PDGFD: variants seen among roughly 807,000 people sequenced by gnomAD.
The protein encoded by PDGFD is platelet derived growth factor D.
A neutral mutation model predicts 44.7 loss-of-function variants in PDGFD; 30 were observed. That is an observed-to-expected ratio of 0.67 (90% CI 0.50 to 0.91). The LOEUF (loss-of-function observed/expected upper bound fraction) is 0.91, where lower values mean the gene tolerates loss of function less well. Ranked by LOEUF, PDGFD falls within the 40% of genes least tolerant of loss-of-function variation. The pLI is 0.00. For missense variants in PDGFD, 445 were observed against 457.8 expected (o/e 0.97, Z 0.25); for synonymous variants, 173 against 168.4 (o/e 1.03, Z -0.21).
At chr11:103,910,560 C>A (rs1435305900) in intron 6 of PDGFD, among the ~76,000 whole-genome samples, 1 of 152,226 alleles carries the variant, frequency 6.6e-6, no homozygotes, top group Non-Finnish European at 1.5e-5. Flanking sequence ...GAATGGTGCA[C>A]TCTAGTCCAG....
intron 3 of PDGFD, among the ~76,000 whole-genome samples, chr11:103,970,895 C>A (rs1234359308): frequency 6.6e-6 from 1 of 152,064 alleles, no homozygotes; most frequent in Non-Finnish European, 1.5e-5. Flanking sequence ...AGAATGGCCT[C>A]ACAATGGAAG....
intron 1 of PDGFD, among the ~76,000 whole-genome samples, chr11:104,116,578 CA>C (rs1216002082): frequency 6.6e-6 from 1 of 151,752 alleles, no homozygotes. Flanking sequence ...AAGGACATAA[CA>C]AAAAAAGAAA....
chr11:104,062,993 C>G (rs1591145335), intron 1 of PDGFD, among the ~76,000 whole-genome samples: 1 of 152,162 alleles, frequency 6.6e-6, no homozygotes, highest in Non-Finnish European at 1.5e-5. Flanking sequence ...TGAACCTCCA[C>G]AGTTTTGAGT....
At chr11:104,020,403 G>A (rs2134381665) in intron 1 of PDGFD, among the ~76,000 whole-genome samples, 1 of 152,056 alleles carries the variant, frequency 6.6e-6, no homozygotes, top group South Asian at 2.1e-4. Flanking sequence ...TTTATTGATA[G>A]GTTCTAAATG....
intron 1 of PDGFD, among the ~76,000 whole-genome samples, chr11:104,073,890 T>G (rs1189511662): frequency 6.6e-6 from 1 of 152,222 alleles, no homozygotes; most frequent in Non-Finnish European, 1.5e-5. Flanking sequence ...AATTGACATA[T>G]TCACAAGGTA....
At chr11:104,069,002 T>A (rs967583056) in intron 1 of PDGFD, among the ~76,000 whole-genome samples, 4 of 152,176 alleles carry the variant, frequency 2.6e-5, no homozygotes, top group Admixed American at 2.6e-4. Context: ...TAAAATACTG[T>A]TACCTAATCT....
chr11:104,079,577 T>C (rs750706699), intron 1 of PDGFD, among the ~76,000 whole-genome samples: 5 of 151,950 alleles, frequency 3.3e-5, no homozygotes, highest in Non-Finnish European at 7.4e-5. Context: ...TTAGTAGAGA[T>C]GGGGTTTCAC....
At chr11:103,914,019 CA>C (rs35478021) in intron 6 of PDGFD, among the ~76,000 whole-genome samples, 69,357 of 151,634 alleles carry the variant, frequency 0.46, 15,951 homozygotes, top group South Asian at 0.49. Flanking sequence ...AAGTAGGGGT[CA>C]GGGGGCAACT....
intron 3 of PDGFD, among the ~76,000 whole-genome samples, chr11:103,953,579 T>C (rs2134330322): frequency 6.6e-6 from 1 of 152,348 alleles, no homozygotes; most frequent in African/African-American, 2.4e-5. Context: ...GGACTGGATG[T>C]GTGTACACAT....
chr11:103,943,742 G>T, intron 4 of PDGFD, 92 bp from the exon 5 acceptor site: 1 of 1,059,766 alleles, frequency 9.4e-7, no homozygotes, highest in Middle Eastern at 2.4e-4. Flanking sequence ...ACATAAACAG[G>T]CTTCTGAGTA....
chr11:104,043,469 T>C (rs1431204795), intron 1 of PDGFD, among the ~76,000 whole-genome samples: 1 of 152,194 alleles, frequency 6.6e-6, no homozygotes, highest in African/African-American at 2.4e-5. Context: ...AAGCTTGTGG[T>C]CTGTTTCTGC....
At chr11:103,919,666 G>C (rs1404898929) in intron 6 of PDGFD, among the ~76,000 whole-genome samples, 1 of 151,788 alleles carries the variant, frequency 6.6e-6, no homozygotes, top group Non-Finnish European at 1.5e-5. Context: ...GTGCCACCAC[G>C]CCTGGCTAAT....
intron 3 of PDGFD, among the ~76,000 whole-genome samples, chr11:103,962,870 C>A (rs1014711149): frequency 6.6e-6 from 1 of 152,080 alleles, no homozygotes; most frequent in African/African-American, 2.4e-5. Flanking sequence ...AAAATGAGTA[C>A]AATCTTTCTA....
Position 104,140,949 on chromosome 11 carries a change from C to T in PDGFD, c.124+22855G>A, listed in dbSNP as rs141588805. On this transcript the variant is annotated intron_variant, in intron 1 of 6. Coordinates refer to ENST00000393158, the MANE Select transcript of PDGFD (RefSeq NM_025208.5). ...TACCTTGGCTATGTTAATAGATTTG[C>T]TATCTGATTTTCACTGGTTCTCCAA... Among the ~76,000 whole-genome samples the T allele has an allele frequency of 1.5e-3, 232 of 152,282 alleles. 4 individuals are homozygous for T. The East Asian group carries it at 0.037, about 24-fold the overall frequency.
At chr11:104,008,435 TAAGAATA>T (rs1859736038) in intron 1 of PDGFD, among the ~76,000 whole-genome samples, 1 of 152,146 alleles carries the variant, frequency 6.6e-6, no homozygotes, top group Non-Finnish European at 1.5e-5. Context: ...TCATCTGAAA[TAAGAATA>T]CAAGTTGTTC....
intron 1 of PDGFD, among the ~76,000 whole-genome samples, chr11:104,054,993 A>G (rs371666581): frequency 6.6e-6 from 1 of 152,246 alleles, no homozygotes; most frequent in Admixed American, 6.5e-5. Context: ...ACATTATGCA[A>G]GTAGCATCTG....
At position 104,163,931 on chromosome 11, in the gene PDGFD, G is replaced by A; in HGVS notation, c.-4C>T. On this transcript the variant is annotated 5_prime_UTR_variant, in exon 1 of 7. Transcript: ENST00000393158. ...AGACAAAGATGAGCCGGTGCATTTG[G>A]GATCAGCGACTAGAGACAGCGTCGC... 2 of 1,539,294 alleles carry A rather than the reference G, an allele frequency of 1.3e-6. No homozygotes were observed. Among genetic ancestry groups the A allele is most frequent in the Non-Finnish European group, 1.8e-6 (2 of 1,128,946 alleles).
chr11:104,129,538 T>A (rs951637625), intron 1 of PDGFD, among the ~76,000 whole-genome samples: 4 of 152,180 alleles, frequency 2.6e-5, no homozygotes, highest in African/African-American at 9.6e-5. Flanking sequence ...ACCACCTTGC[T>A]ATAATGGTTG....
chr11:103,989,909 C>A (rs956021492), intron 3 of PDGFD, among the ~76,000 whole-genome samples: 1 of 151,718 alleles, frequency 6.6e-6, no homozygotes, highest in Admixed American at 6.6e-5. Flanking sequence ...TAGGACAGTT[C>A]TGATGATGAT....
Sources: allele counts gnomAD v4.1 joint callset (sites outside exome capture counted in the v4.1 genomes callset), GRCh38; gene constraint gnomAD v4.1.1; transcripts MANE v1.5; gene names NCBI Gene and HGNC (gene_info 2026-07-23, HGNC 2026-07-21).